The following TMEM273 variants were observed in gnomAD, a reference collection of about 807,000 sequenced individuals.
TMEM273 encodes the protein transmembrane protein 273, also known as chromosome 10 open reading frame 128.
TMEM273 carries 19 observed loss-of-function variants against 17.9 expected under a neutral mutation model. The observed-to-expected ratio is 1.06, with a 90% CI of 0.74 to 1.55. TMEM273 has a LOEUF of 1.55. Among genes scored for constraint, TMEM273 ranks in the 40% most tolerant of loss-of-function variants. TMEM273 has a pLI of 0.00. For synonymous variants in TMEM273, 66 were observed against 62.0 expected, an observed-to-expected ratio of 1.07 and a Z score of -0.31; for missense variants, 194 against 155.6, an observed-to-expected ratio of 1.25 and a Z score of -1.31.
rs528361062 is a variant in TMEM273 at position 49,183,939 on chromosome 10, T to C, written c.43+4355A>G. The stretch of plus-strand genomic sequence containing the variant: ...TTCATCTATCAAGATTAGTCAGCTA[T>C]AGCAAAAAAAAAAAACATTGTGGCA... On this transcript the variant is annotated intron_variant, in intron 1 of 6. Transcript: ENST00000374153. Among the ~76,000 whole-genome samples the C allele has an allele frequency of 8.4e-4, 24 of 28,432 alleles. No individual in the cohort carries two copies. In the East Asian group the frequency reaches 0.033, roughly 39 times the overall value. The allele number at this position is 28,432 out of a possible 152,430, so 18.7% of individuals were successfully genotyped here.
At chr10:49,174,269 C>T (rs1424313434) in intron 1 of TMEM273, among the ~76,000 whole-genome samples, 1 of 152,220 alleles carries the variant, frequency 6.6e-6, no homozygotes, top group Non-Finnish European at 1.5e-5. Context: ...TGCCTCAGGG[C>T]TCACAAATGG....
At chr10:49,165,708 C>G (rs1000095704) in intron 4 of TMEM273, 58 bp downstream of exon 4, 2 of 1,605,204 alleles carry the variant, frequency 1.2e-6, no homozygotes, top group Non-Finnish European at 1.7e-6. Context: ...GGGAGTGGCA[C>G]GGTCAAGACA....
rs1277466397 is a variant in TMEM273, at chr10:49,188,316, C to A, written c.21G>T (p.Met7Ile). 6.2e-7 allele frequency: 1 copy of A among 1,614,210 alleles called. No homozygotes were observed. The highest frequency in any genetic ancestry group is 1.7e-5 in the Admixed American group (1 of 60,034). Residue 7 changes from methionine (M) to isoleucine (I), a missense_variant, in exon 1 of 7, where the codon ATG (methionine) becomes ATT (isoleucine). Transcript: ENST00000374153. MNLGVS[M>I]LRILFLLDVG... The stretch of plus-strand genomic sequence containing the variant: ...TACCCAGGAGGAAGAGGATCCTCAG[C>A]ATGCTGACCCCCAAGTTCATGCTGG...
intron 1 of TMEM273, chr10:49,178,179 C>T (rs1033397084): frequency 6.6e-6 from 3 of 457,230 alleles, no homozygotes; most frequent in Non-Finnish European, 1.3e-5. Flanking sequence ...TTTTGCTGGC[C>T]CATGTCACCT....
intron 2 of TMEM273, 39 bp downstream of exon 2, chr10:49,167,870 C>T (rs1846296955): frequency 6.2e-7 from 1 of 1,612,272 alleles, no homozygotes; most frequent in Admixed American, 1.7e-5. Flanking sequence ...CCTTCCTGCC[C>T]CTGACCCTGT....
In TMEM273 at chr10:49,165,777, C is replaced by A. The variant is rs200403793; in HGVS notation, c.258G>T (p.Lys86Asn). The part of the protein sequence containing the change: ...GGLSDTIPLK[K>N]RAPRKLQAST... The stretch of plus-strand genomic sequence containing the variant: ...GGCAGTGACCTTACCTTGGGGCTCT[C>A]TTCTTTAGCGGGATGGTGTCTAAAC... Residue 86 changes from lysine to asparagine, a missense_variant, in exon 4 of 7, where the codon AAG (lysine) becomes AAT (asparagine). Transcript: ENST00000374153. The A allele has an allele frequency of 5.1e-4, 825 of 1,614,172 alleles. 10 individuals are homozygous for A. In the Admixed American group the frequency reaches 0.013, roughly 25 times the overall value.
chr10:49,165,891 C>G, intron 3 of TMEM273, 95 bp from the exon 4 acceptor site: 1 of 1,536,854 alleles, frequency 6.5e-7, no homozygotes, highest in African/African-American at 1.4e-5. Context: ...TTGGTCCTCT[C>G]ACTCACGGTT....
chr10:49,171,861 C>T (rs550146564), intron 1 of TMEM273, among the ~76,000 whole-genome samples: 10 of 138,188 alleles, frequency 7.2e-5, no homozygotes, highest in Admixed American at 4.7e-4. Context: ...AGCCCATCCC[C>T]GGCATCCAGG....
At chr10:49,187,137 C>T (rs1847774084) in intron 1 of TMEM273, among the ~76,000 whole-genome samples, 1 of 152,200 alleles carries the variant, frequency 6.6e-6, no homozygotes, top group African/African-American at 2.4e-5. Context: ...TACAACTTCT[C>T]TTACCTTCCA....
In TMEM273 at chr10:49,155,848, C is replaced by T. The variant is rs1845474325; in HGVS notation, c.*44G>A. 3 of 1,613,958 alleles carry T rather than the reference C, an allele frequency of 1.9e-6. No homozygotes were observed. The highest frequency in any genetic ancestry group is 2.5e-6 in the Non-Finnish European group (3 of 1,179,998). On this transcript the variant is annotated 3_prime_UTR_variant, in exon 7 of 7. Transcript: ENST00000374153. Reference sequence around the variant, plus strand: ...TGAGATGTTAACCATGGGCTGTTTTCCACGGGGCTAGAACCCCTCTTCACG... The same window carrying T: ...TGAGATGTTAACCATGGGCTGTTTTTCACGGGGCTAGAACCCCTCTTCACG...
intron 1 of TMEM273, among the ~76,000 whole-genome samples, chr10:49,188,049 C>T (rs1443265344): frequency 6.6e-6 from 1 of 152,220 alleles, no homozygotes; most frequent in East Asian, 1.9e-4. Flanking sequence ...GTTTCTAGAT[C>T]CCAAGCCCGA....
At chr10:49,158,899 A>G (rs1004228059) in intron 6 of TMEM273, among the ~76,000 whole-genome samples, 8 of 152,248 alleles carry the variant, frequency 5.3e-5, no homozygotes, top group Non-Finnish European at 1.2e-4. Flanking sequence ...GGAAAAGTAT[A>G]TATGCACAGA....
At chr10:49,169,101 G>A (rs994200658) in intron 1 of TMEM273, among the ~76,000 whole-genome samples, 1 of 152,180 alleles carries the variant, frequency 6.6e-6, no homozygotes, top group Admixed American at 6.5e-5. Context: ...ACGTGAATGT[G>A]AATCCAGTGA....
intron 1 of TMEM273, among the ~76,000 whole-genome samples, chr10:49,179,597 C>G (rs942427580): frequency 6.6e-6 from 1 of 152,102 alleles, no homozygotes; most frequent in Non-Finnish European, 1.5e-5. Flanking sequence ...GCTAAAATCC[C>G]TAAATATTAT....
chr10:49,155,623 GC>G lies in TMEM273; in HGVS notation c.*268del. 5.3e-6 allele frequency: 3 copies of G among 562,276 alleles called. No individual in the cohort carries two copies. Among genetic ancestry groups the G allele is most frequent in the Non-Finnish European group, 9.5e-6 (3 of 315,352 alleles). The allele number at this position is 562,276 out of a possible 1,614,324, so 34.8% of individuals were successfully genotyped here. On this transcript the variant is annotated 3_prime_UTR_variant, in exon 7 of 7. Transcript: ENST00000374153. ...ATGAACAGCTCCAACACAGGGTGAA[GC>G]TTTTGGTGTCCACCTTCTTCCACTG...
intron 5 of TMEM273, among the ~76,000 whole-genome samples, chr10:49,162,384 C>G (rs983476824): frequency 6.6e-6 from 1 of 152,190 alleles, no homozygotes; most frequent in South Asian, 2.1e-4. Flanking sequence ...CGCACACACA[C>G]AACAGGATTA....
At chr10:49,159,136 T>C (rs1399847545) in intron 6 of TMEM273, among the ~76,000 whole-genome samples, 1 of 151,914 alleles carries the variant, frequency 6.6e-6, no homozygotes, top group Admixed American at 6.6e-5. Flanking sequence ...CTCTGAATCG[T>C]GTACATGACA....
chr10:49,165,499 G>C (rs747553870), intron 4 of TMEM273: 99 of 1,428,104 alleles, frequency 6.9e-5, no homozygotes, highest in Non-Finnish European at 8.6e-5. Context: ...GGGTCTGAGT[G>C]GGGGTGGAAC....
At chr10:49,161,732 G>T in intron 5 of TMEM273, 110 bp from the exon 6 acceptor site, 4 of 1,377,828 alleles carry the variant, frequency 2.9e-6, no homozygotes, top group Non-Finnish European at 4.1e-6. Flanking sequence ...TGCTCTTTTG[G>T]GTCTGACTTC....
Sources: gnomAD v4.1 joint callset for allele counts (sites outside exome capture counted in the v4.1 genomes callset) on GRCh38, gnomAD v4.1.1 for gene constraint, MANE v1.5 for transcripts, NCBI Gene and HGNC (gene_info 2026-07-23, HGNC 2026-07-21) for gene names.